The following GABRA2 variants were observed in gnomAD, a reference collection of about 807,000 sequenced individuals.
GABRA2 encodes the protein gamma-aminobutyric acid receptor subunit alpha-2.
Under a neutral mutation model 48.7 loss-of-function variants are expected in GABRA2, and 16 were observed. That is an observed-to-expected ratio of 0.33 (90% confidence interval 0.22 to 0.50). The LOEUF is 0.50. Among genes scored for constraint, GABRA2 ranks in the 20% least tolerant of loss-of-function variants. The probability of loss-of-function intolerance (pLI) is 0.98; values close to 1 mark genes in which losing one functional copy is unlikely to be tolerated. For missense variants in GABRA2, 275 were observed against 535.6 expected, an observed-to-expected ratio of 0.51 and a Z score of 4.80; for synonymous variants, 185 against 184.5, an observed-to-expected ratio of 1.00 and a Z score of -0.02.
intron 3 of GABRA2, among the ~76,000 whole-genome samples, chr4:46,379,692 G>A (rs561175716): frequency 6.6e-6 from 1 of 152,178 alleles, no homozygotes; most frequent in Non-Finnish European, 1.5e-5. Flanking sequence ...AGAGAGACTA[G>A]ATTCTCAGCT....
At chr4:46,359,366 C>A (rs979313447) in intron 3 of GABRA2, among the ~76,000 whole-genome samples, 29 of 152,008 alleles carry the variant, frequency 1.9e-4, no homozygotes, top group East Asian at 1.9e-4. Context: ...ACTTTAGAGC[C>A]CATTTTCATT....
At chr4:46,373,261 G>A (rs1304411761) in intron 3 of GABRA2, among the ~76,000 whole-genome samples, 1 of 152,244 alleles carries the variant, frequency 6.6e-6, no homozygotes, top group African/African-American at 2.4e-5. Context: ...TTCACAGATT[G>A]TAATGTAAAT....
At chr4:46,341,245 T>C (rs1406921368) in intron 3 of GABRA2, among the ~76,000 whole-genome samples, 1 of 152,066 alleles carries the variant, frequency 6.6e-6, no homozygotes, top group Non-Finnish European at 1.5e-5. Context: ...ACAACTTATA[T>C]TGATTCCAGT....
rs754962931 is a variant in GABRA2, at chr4:46,389,655, G to A, written c.-11+80C>T. Reference sequence around the variant, plus strand: ...TTTCCAGGGAGCCTCTGAAAGTGGGGTGGGGGGAGATGAGGCATGCACGCG... The same window carrying A: ...TTTCCAGGGAGCCTCTGAAAGTGGGATGGGGGGAGATGAGGCATGCACGCG... On this transcript the variant is annotated intron_variant, in intron 1 of 9. Coordinates refer to ENST00000381620, the MANE Select transcript of GABRA2 (RefSeq NM_000807.4). 7.4e-5 allele frequency: 60 copies of A among 813,088 alleles called. No homozygotes were observed. The Middle Eastern group carries it at 1.9e-3, about 25-fold the overall frequency. 50.4% of individuals were successfully genotyped at this position (813,088 alleles called of 1,614,324 possible).
chr4:46,303,266 C>G, intron 8 of GABRA2, 194 bp downstream of exon 8: 1 of 540,430 alleles, frequency 1.9e-6, no homozygotes, highest in South Asian at 2.8e-5. Flanking sequence ...GAGTACTTTT[C>G]TTTCCTTATA....
In GABRA2 at chr4:46,248,263, C is replaced by T. The variant is rs1311988891; in HGVS notation, c.*2045G>A. Among the ~76,000 whole-genome samples the T allele has an allele frequency of 2.0e-5, 3 of 151,268 alleles. No individual in the cohort carries two copies. Among genetic ancestry groups the T allele is most frequent in the Non-Finnish European group, 4.4e-5 (3 of 67,516 alleles). ...CCATATAGAGCAATTTCATTGCTTG[C>T]CTTCTGGCATTGTGTACTTCCTTAT... is the stretch of plus-strand genomic sequence containing the variant. On this transcript the variant is annotated 3_prime_UTR_variant, in exon 10 of 10. Transcript: ENST00000381620.
chr4:46,320,799 G>A (rs1729321381), intron 4 of GABRA2, among the ~76,000 whole-genome samples: 2 of 151,788 alleles, frequency 1.3e-5, no homozygotes, highest in Admixed American at 6.6e-5. Flanking sequence ...CTGTTGGTGG[G>A]GATGTAAATT....
intron 8 of GABRA2, among the ~76,000 whole-genome samples, chr4:46,275,290 C>T (rs947931790): frequency 1.3e-5 from 2 of 152,110 alleles, no homozygotes; most frequent in African/African-American, 4.8e-5. Context: ...GGCTTTTTAA[C>T]TTTTTATGAC....
chr4:46,381,385 A>C (rs547574615), intron 3 of GABRA2, among the ~76,000 whole-genome samples: 1 of 152,318 alleles, frequency 6.6e-6, no homozygotes, highest in South Asian at 2.1e-4. Flanking sequence ...ACAGTTATTA[A>C]TTCTAGCTAA....
chr4:46,275,365 G>A (rs1208640681), intron 8 of GABRA2, among the ~76,000 whole-genome samples: 1 of 152,096 alleles, frequency 6.6e-6, no homozygotes. Context: ...TTTGAGAGGT[G>A]ATTTCCAAGA....
At chr4:46,295,080 A>T (rs1377250750) in intron 8 of GABRA2, among the ~76,000 whole-genome samples, 7 of 152,144 alleles carry the variant, frequency 4.6e-5, no homozygotes, top group Admixed American at 3.3e-4. Context: ...AAAGGAAGAG[A>T]AGACTTAGGC....
chr4:46,376,706 C>T (rs1057173512), intron 3 of GABRA2, among the ~76,000 whole-genome samples: 22 of 151,920 alleles, frequency 1.4e-4, no homozygotes, highest in African/African-American at 5.1e-4. Context: ...TAGTGAGATC[C>T]TGTGTCTACA....
chr4:46,311,896 C>T (rs2109686947), intron 5 of GABRA2, among the ~76,000 whole-genome samples: 1 of 152,246 alleles, frequency 6.6e-6, no homozygotes, highest in African/African-American at 2.4e-5. Flanking sequence ...GCCAGGAGTT[C>T]GGGGCCAGCC....
rs1199717857 is a variant in GABRA2 at position 46,246,452 on chromosome 4, A to G, written c.*3856T>C. ...GTGTCCATGTTTCTCAAGCATGCAG[A>G]TGTCAAAAATAACTGCACCCCTCCC... On this transcript the variant is annotated 3_prime_UTR_variant, in exon 10 of 10. Transcript: ENST00000381620. Among the ~76,000 whole-genome samples the G allele has an allele frequency of 1.3e-5, 2 of 151,140 alleles. No individual in the cohort carries two copies. Among genetic ancestry groups the G allele is most frequent in the East Asian group, 3.9e-4 (2 of 5,110 alleles).
intron 8 of GABRA2, among the ~76,000 whole-genome samples, chr4:46,286,261 A>G (rs1281523616): frequency 6.6e-6 from 1 of 152,084 alleles, no homozygotes; most frequent in Non-Finnish European, 1.5e-5. Context: ...AGGTTCATCC[A>G]GGTTGTAGCA....
At chr4:46,257,642 T>G (rs1370983069) in intron 9 of GABRA2, among the ~76,000 whole-genome samples, 1 of 151,760 alleles carries the variant, frequency 6.6e-6, no homozygotes, top group Non-Finnish European at 1.5e-5. Flanking sequence ...CTTAGCTCCT[T>G]GAATAACTGC....
At chr4:46,283,267 A>C (rs1048278230) in intron 8 of GABRA2, among the ~76,000 whole-genome samples, 4 of 152,190 alleles carry the variant, frequency 2.6e-5, no homozygotes, top group Admixed American at 6.5e-5. Context: ...AGAGCAGAAG[A>C]AGTCTTTTAC....
chr4:46,322,009 T>C (rs1415206606), intron 4 of GABRA2, among the ~76,000 whole-genome samples: 2 of 151,936 alleles, frequency 1.3e-5, no homozygotes, highest in Non-Finnish European at 2.9e-5. Context: ...CCACCAACCA[T>C]ACAAACGGCA....
intron 1 of GABRA2, 46 bp downstream of exon 1, chr4:46,389,689 A>G (rs1717964093): frequency 1.0e-6 from 1 of 968,372 alleles, no homozygotes; most frequent in Non-Finnish European, 1.2e-6. Flanking sequence ...CGAGGCAAAG[A>G]CAAACAGGAA....
Sources: allele counts gnomAD v4.1 joint callset (sites outside exome capture counted in the v4.1 genomes callset), GRCh38; gene constraint gnomAD v4.1.1; transcripts MANE v1.5; gene names NCBI Gene and HGNC (gene_info 2026-07-23, HGNC 2026-07-21).